SYCP1: variants seen among roughly 807,000 people sequenced by gnomAD.
SYCP1 encodes synaptonemal complex protein 1.
In SYCP1, 64 loss-of-function variants were observed where a neutral mutation model predicts 153.1. The ratio of observed to expected loss-of-function variants is 0.42; its 90% confidence interval spans 0.34 to 0.51. The LOEUF is 0.51. Among genes scored for constraint, SYCP1 ranks in the 20% least tolerant of loss-of-function variants. The pLI, the probability that SYCP1 is intolerant of heterozygous loss-of-function variation, is 0.06. For synonymous variants in SYCP1, 384 were observed against 341.8 expected, an observed-to-expected ratio of 1.12 and a Z score of -1.36; for missense variants, 997 against 1,049.0, an observed-to-expected ratio of 0.95 and a Z score of 0.68.
At chr1:114,940,251 C>G (rs1356330230) in intron 23 of SYCP1, among the ~76,000 whole-genome samples, 3 of 152,040 alleles carry the variant, frequency 2.0e-5, no homozygotes, top group Non-Finnish European at 4.4e-5. Flanking sequence ...GCGTGTGCCT[C>G]CATGCCGGCT....
chr1:114,910,362 T>C, intron 16 of SYCP1, 35 bp from the exon 17 acceptor site: 3 of 1,439,266 alleles, frequency 2.1e-6, no homozygotes, highest in East Asian at 4.7e-5. Context: ...ATGTGTATGG[T>C]TTGGCATTCC....
At chr1:114,881,194 A>T (rs900174960) in intron 12 of SYCP1, among the ~76,000 whole-genome samples, 5 of 152,130 alleles carry the variant, frequency 3.3e-5, no homozygotes, top group Non-Finnish European at 7.4e-5. Context: ...TAGATGGAAC[A>T]TTATTATTAC....
At chr1:114,909,195 C>T (rs1668016357) in intron 16 of SYCP1, among the ~76,000 whole-genome samples, 1 of 151,934 alleles carries the variant, frequency 6.6e-6, no homozygotes, top group African/African-American at 2.4e-5. Flanking sequence ...ATGATTTCTC[C>T]TTTATATTCT....
rs185252711 is a variant in SYCP1, at chr1:114,938,027, C to T, written c.1927-6312C>T. On this transcript the variant is annotated intron_variant, in intron 23 of 31. Transcript: ENST00000369522. ...ACCTAGAACTAGAAATACCATTTGA[C>T]CCAGAGATCCCATTACTGGTTATAT... 1.0e-3 allele frequency among the ~76,000 whole-genome samples: 158 copies of T among 152,214 alleles called. 2 individuals are homozygous for T. The highest frequency in any genetic ancestry group is 3.7e-3 in the African/African-American group (152 of 41,522).
At chr1:114,855,842 G>A (rs1463932741) in intron 2 of SYCP1, among the ~76,000 whole-genome samples, 1 of 152,008 alleles carries the variant, frequency 6.6e-6, no homozygotes, top group Non-Finnish European at 1.5e-5. Context: ...TTGATTCGTG[G>A]CAACTTATAG....
intron 16 of SYCP1, among the ~76,000 whole-genome samples, chr1:114,904,820 A>G (rs987979180): frequency 6.6e-6 from 1 of 152,232 alleles, no homozygotes; most frequent in Non-Finnish European, 1.5e-5. Context: ...TTTACCATTA[A>G]GTTATGATGT....
chr1:114,892,348 C>T (rs971897721), intron 15 of SYCP1, among the ~76,000 whole-genome samples: 1 of 152,136 alleles, frequency 6.6e-6, no homozygotes, highest in Non-Finnish European at 1.5e-5. Context: ...TGCTGCGGCC[C>T]TGCTGCCAGG....
Position 114,856,573 on chromosome 1 carries a change from A to G in SYCP1, c.109A>G (p.Ser37Gly). Residue 37 changes from serine (S) to glycine (G), a missense_variant and splice_region_variant, in exon 3 of 32, where the codon AGT becomes GGT. Around this residue, in one of 2 missense-constraint regions of SYCP1, gnomAD observed 285 missense variants for 366.1 expected, o/e 0.78. Coordinates refer to ENST00000369522, the MANE Select transcript of SYCP1 (RefSeq NM_003176.4). ...TTTAAGAACTTCTTTGTGTCTCTAGAGTTTCAACAAATGTACTGAAGATGA... is the reference window on the plus strand; with the variant it reads ...TTTAAGAACTTCTTTGTGTCTCTAGGGTTTCAACAAATGTACTGAAGATGA... ...TLGGDSTFFK[S>G]FNKCTEDDFE... 6.2e-7 allele frequency: 1 copy of G among 1,608,390 alleles called. No homozygotes were observed. Among genetic ancestry groups the G allele is most frequent in the Non-Finnish European group, 8.5e-7 (1 of 1,177,118 alleles).
At chr1:114,924,360 T>C (rs1412506334) in intron 21 of SYCP1, among the ~76,000 whole-genome samples, 3 of 152,150 alleles carry the variant, frequency 2.0e-5, no homozygotes, top group African/African-American at 7.2e-5. Flanking sequence ...TGTCGACTCA[T>C]AGAGATAGAG....
At chr1:114,930,901 C>T (rs1669587700) in intron 23 of SYCP1, among the ~76,000 whole-genome samples, 1 of 151,528 alleles carries the variant, frequency 6.6e-6, no homozygotes, top group African/African-American at 2.4e-5. Flanking sequence ...GATTTTAATA[C>T]ATGATAAAAA....
rs774361275 is a variant in SYCP1 at position 114,913,095 on chromosome 1, C to T, written c.1592C>T (p.Thr531Ile). ...NKLSLENKEL[T>I]QETSDMTLEL... ...CTTTCACTAGAAAACAAAGAGCTCA[C>T]ACAGGAAACAAGTGATATGACCCTA... The change falls in exon 19 of 32, where the codon ACA (threonine) becomes ATA (isoleucine). Residue 531 changes from threonine (T) to isoleucine (I), a missense_variant. Physicochemically the swap from Thr to Ile is moderately conservative, Grantham distance 89. This residue lies in a region of SYCP1 where 712 missense variants were observed against 682.9 expected (regional missense o/e 1.04). Transcript: ENST00000369522. 2 of 1,612,384 alleles carry T rather than the reference C, an allele frequency of 1.2e-6. No individual in the cohort carries two copies. The highest frequency in any genetic ancestry group is 2.2e-5 in the South Asian group (2 of 90,954).
chr1:114,981,513 G>A lies in SYCP1; in HGVS notation c.2559+1G>A, dbSNP rs142019770. 6.3e-7 allele frequency: 1 copy of A among 1,576,454 alleles called. No homozygotes were observed. Among genetic ancestry groups the A allele is most frequent in the African/African-American group, 1.4e-5 (1 of 72,268 alleles). On this transcript the variant is annotated splice_donor_variant, in intron 29 of 31. Transcript: ENST00000369522. LOFTEE classifies it high-confidence loss of function. ...TACTTTATCTACACCATTGCCAAAG[G>A]TTTGTGTCTAAATTTTCCATGTTAG...
chr1:114,867,806 T>C (rs1204955031), intron 8 of SYCP1, among the ~76,000 whole-genome samples: 2 of 152,144 alleles, frequency 1.3e-5, no homozygotes, highest in South Asian at 4.1e-4. Flanking sequence ...TGAAAAAGAA[T>C]GGTGAGAGGG....
In SYCP1 at chr1:114,922,084, G is replaced by T. The variant is rs180766446; in HGVS notation, c.1719-1365G>T. 1.0e-3 allele frequency among the ~76,000 whole-genome samples: 158 copies of T among 152,200 alleles called. 2 individuals are homozygous for T. The highest frequency in any genetic ancestry group is 3.7e-3 in the African/African-American group (153 of 41,542). ...CTTTATCCTTGACCTTTGTGAGTTTGATTTTTAAGTGCCTTAAGGAAGCCT... is the reference window on the plus strand; with the variant it reads ...CTTTATCCTTGACCTTTGTGAGTTTTATTTTTAAGTGCCTTAAGGAAGCCT... On this transcript the variant is annotated intron_variant, in intron 20 of 31. Transcript: ENST00000369522.
At chr1:114,952,395 T>C (rs1671165568) in intron 27 of SYCP1, among the ~76,000 whole-genome samples, 1 of 152,206 alleles carries the variant, frequency 6.6e-6, no homozygotes, top group South Asian at 2.1e-4. Flanking sequence ...TTTGCGTTTT[T>C]CTGCTGTTGA....
chr1:114,966,180 A>T lies in SYCP1; in HGVS notation c.2323-11377A>T, dbSNP rs1035950298. ...TGGTAGTTTCTGTTTCTGTGGGATCAGTGGTGATATCCCCTTTATCATTTT... is the reference window on the plus strand; with the variant it reads ...TGGTAGTTTCTGTTTCTGTGGGATCTGTGGTGATATCCCCTTTATCATTTT... On this transcript the variant is annotated intron_variant, in intron 27 of 31. Coordinates refer to ENST00000369522, the MANE Select transcript of SYCP1 (RefSeq NM_003176.4). Among the ~76,000 whole-genome samples the T allele has an allele frequency of 5.0e-4, 76 of 152,052 alleles. 1 individual carries two copies. Among genetic ancestry groups the T allele is most frequent in the Non-Finnish European group, 1.3e-4 (9 of 68,000 alleles).
At chr1:114,920,867 C>T (rs1668820407) in intron 20 of SYCP1, among the ~76,000 whole-genome samples, 1 of 152,026 alleles carries the variant, frequency 6.6e-6, no homozygotes, top group Non-Finnish European at 1.5e-5. Context: ...CTCTGTGTAT[C>T]TTTACAGGTG....
intron 20 of SYCP1, among the ~76,000 whole-genome samples, chr1:114,921,648 C>CA (rs60500508): frequency 0.45 from 61,392 of 134,980 alleles, 13,394 homozygotes; most frequent in African/African-American, 0.55. Context: ...GACTCTGTCT[C>CA]AAAAAAAAAA....
intron 27 of SYCP1, among the ~76,000 whole-genome samples, chr1:114,958,048 AGTGATTG>A (rs1307404296): frequency 6.6e-6 from 1 of 152,238 alleles, no homozygotes; most frequent in Non-Finnish European, 1.5e-5. Flanking sequence ...TTCATTAACA[AGTGATTG>A]GATAAAGAAA....
Sources: allele counts gnomAD v4.1 joint callset (sites outside exome capture counted in the v4.1 genomes callset), GRCh38; gene constraint gnomAD v4.1.1; regional missense constraint gnomAD v4.1.1; transcripts MANE v1.5; gene names NCBI Gene and HGNC (gene_info 2026-07-23, HGNC 2026-07-21).